Variants in SLC24A2 observed in about 807,000 individuals in gnomAD.
SLC24A2 encodes sodium/potassium/calcium exchanger 2.
A neutral mutation model predicts 62.0 loss-of-function variants in SLC24A2; 36 were observed. That is an observed-to-expected ratio of 0.58 (90% CI 0.44 to 0.77). The LOEUF (loss-of-function observed/expected upper bound fraction) is 0.77. SLC24A2 is among the 30% of genes least tolerant of loss of function. The pLI is 0.00. For synonymous variants in SLC24A2, 358 were observed against 294.0 expected (o/e 1.22, Z -2.23); for missense variants, 846 against 817.9 (o/e 1.03, Z -0.42).
the SLC24A2 span, among the ~76,000 whole-genome samples, chr9:20,071,913 C>T: frequency 6.6e-6 from 1 of 152,026 alleles, no homozygotes; most frequent in African/African-American, 2.4e-5. Context: ...CTTTGGCTGA[C>T]TGATTTATCA....
rs1554690366 is a variant in SLC24A2 at position 19,636,318 on chromosome 9, T to TCTTTTCTTTC, written c.931-14020_931-14019insGAAAGAAAAG. 1.5e-3 allele frequency among the ~76,000 whole-genome samples: 49 copies of TCTTTTCTTTC among 32,220 alleles called. 5 individuals are homozygous for TCTTTTCTTTC. Among genetic ancestry groups the TCTTTTCTTTC allele is most frequent in the African/African-American group, 5.7e-3 (46 of 8,134 alleles). The allele number at this position is 32,220 out of a possible 152,430, so 21.1% of individuals were successfully genotyped here. On this transcript the variant is annotated intron_variant, in intron 2 of 10. Coordinates refer to ENST00000341998, the MANE Select transcript of SLC24A2 (RefSeq NM_020344.4). ...TCTTTTCTTTTCTTTTCTTTTCTTT[T>TCTTTTCTTTC]CTTTCTTTCTTTCTTTCTTTCTTTC...
the SLC24A2 span, among the ~76,000 whole-genome samples, chr9:20,156,375 G>A: frequency 6.6e-6 from 1 of 151,648 alleles, no homozygotes; most frequent in Non-Finnish European, 1.5e-5. Flanking sequence ...CCTCCCAGCT[G>A]CCCAAGACCT....
chr9:19,580,439 C>CATCA (rs1563980183), intron 5 of SLC24A2, among the ~76,000 whole-genome samples: 3 of 152,218 alleles, frequency 2.0e-5, no homozygotes, highest in Non-Finnish European at 2.9e-5. Flanking sequence ...CGCCTGAGAT[C>CATCA]ATCACAGGGC....
the SLC24A2 span, among the ~76,000 whole-genome samples, chr9:20,276,187 C>T: frequency 6.6e-5 from 10 of 152,178 alleles, no homozygotes; most frequent in African/African-American, 1.2e-4. Context: ...CAAGCTAAGT[C>T]GCTTCTGCCT....
At chr9:20,131,035 T>C in the SLC24A2 span, among the ~76,000 whole-genome samples, 2 of 151,500 alleles carry the variant, frequency 1.3e-5, no homozygotes, top group African/African-American at 4.9e-5. Flanking sequence ...AACAATAGCC[T>C]GAGATTTCTT....
chr9:20,236,331 G>A, the SLC24A2 span, among the ~76,000 whole-genome samples: 1 of 152,218 alleles, frequency 6.6e-6, no homozygotes, highest in Non-Finnish European at 1.5e-5. Context: ...AATACTATCT[G>A]AGTGGGGGAA....
chr9:19,824,723 A>G, the SLC24A2 span, among the ~76,000 whole-genome samples: 1 of 152,222 alleles, frequency 6.6e-6, no homozygotes, highest in African/African-American at 2.4e-5. Context: ...ATGCACGTGT[A>G]TATTTATTGT....
the SLC24A2 span, among the ~76,000 whole-genome samples, chr9:19,960,615 C>T: frequency 0.014 from 2,167 of 152,190 alleles, 46 homozygotes; most frequent in African/African-American, 0.044. Flanking sequence ...GAAGAGTGAG[C>T]GACAAACATA....
At chr9:20,007,382 T>A in the SLC24A2 span, among the ~76,000 whole-genome samples, 1 of 152,118 alleles carries the variant, frequency 6.6e-6, no homozygotes, top group African/African-American at 2.4e-5. Context: ...TAACTGGTAA[T>A]GTCTGCCTTG....
At chr9:19,892,363 T>C in the SLC24A2 span, among the ~76,000 whole-genome samples, 3 of 152,214 alleles carry the variant, frequency 2.0e-5, no homozygotes, top group Non-Finnish European at 2.9e-5. Context: ...TTTATTTCAG[T>C]GTTTTGTGTC....
At chr9:20,100,075 G>C in the SLC24A2 span, among the ~76,000 whole-genome samples, 9 of 152,024 alleles carry the variant, frequency 5.9e-5, no homozygotes, top group East Asian at 1.7e-3. Context: ...CTGGAGTGCA[G>C]TGGTGCAATT....
rs575347384 is a variant in SLC24A2 at position 19,551,508 on chromosome 9, C to T, written c.1348-1240G>A. On this transcript the variant is annotated intron_variant, in intron 7 of 10. Transcript: ENST00000341998. ...ACATCATCAATCACTCCCTTCCCTG[C>T]TTGTTTGAAAATGAAAGTGCAGCAG... is the stretch of plus-strand genomic sequence containing the variant. Among the ~76,000 whole-genome samples the T allele has an allele frequency of 5.3e-5, 8 of 152,268 alleles. No homozygotes were observed. In the East Asian group the frequency reaches 1.5e-3, roughly 29 times the overall value.
chr9:20,280,784 C>T, the SLC24A2 span, among the ~76,000 whole-genome samples: 1 of 152,042 alleles, frequency 6.6e-6, no homozygotes, highest in African/African-American at 2.4e-5. Flanking sequence ...CTGCTTGGGC[C>T]CTAAATCTAA....
intron 2 of SLC24A2, among the ~76,000 whole-genome samples, chr9:19,641,845 C>T (rs1237081123): frequency 6.6e-6 from 1 of 152,214 alleles, no homozygotes; most frequent in African/African-American, 2.4e-5. Context: ...TTCTACTCAG[C>T]TGTTCAAGCC....
chr9:19,524,364 T>G (rs1474440968), intron 9 of SLC24A2, among the ~76,000 whole-genome samples: 1 of 144,628 alleles, frequency 6.9e-6, no homozygotes, highest in East Asian at 2.0e-4. Flanking sequence ...CCATTAAATT[T>G]ATTAAAGTGC....
Position 19,554,773 on chromosome 9 carries a change from C to G in SLC24A2, c.1348-4505G>C, listed in dbSNP as rs140927479. The stretch of plus-strand genomic sequence containing the variant: ...GACCACAGCAGAAGATAATCTTGGG[C>G]CATGGGGTGGAGGAACAATATATGA... On this transcript the variant is annotated intron_variant, in intron 7 of 10. Coordinates refer to ENST00000341998, the MANE Select transcript of SLC24A2 (RefSeq NM_020344.4). Among the ~76,000 whole-genome samples, 4 of 152,226 alleles carry G rather than the reference C, an allele frequency of 2.6e-5. No individual in the cohort carries two copies. The East Asian group carries it at 7.7e-4, about 29-fold the overall frequency.
chr9:19,535,407 T>A (rs1486544153), intron 8 of SLC24A2, among the ~76,000 whole-genome samples: 1 of 152,206 alleles, frequency 6.6e-6, no homozygotes, highest in Non-Finnish European at 1.5e-5. Flanking sequence ...TTTTCGTGTT[T>A]TAGACATGAA....
chr9:19,683,731 C>G (rs754987383), intron 2 of SLC24A2, among the ~76,000 whole-genome samples: 6 of 152,086 alleles, frequency 3.9e-5, no homozygotes, highest in Non-Finnish European at 8.8e-5. Context: ...ATAAGCAGAA[C>G]TGAAATTTTA....
chr9:19,735,458 A>G (rs1821479024), intron 2 of SLC24A2, among the ~76,000 whole-genome samples: 1 of 152,136 alleles, frequency 6.6e-6, no homozygotes, highest in Non-Finnish European at 1.5e-5. Context: ...GCGATTCCTC[A>G]GGGATCTAGA....
Sources: allele counts gnomAD v4.1 joint callset (sites outside exome capture counted in the v4.1 genomes callset), GRCh38; gene constraint gnomAD v4.1.1; transcripts MANE v1.5; gene names NCBI Gene and HGNC (gene_info 2026-07-23, HGNC 2026-07-21).